Variants in RIMS2 observed in about 807,000 individuals in gnomAD.
The protein encoded by RIMS2 is regulating synaptic membrane exocytosis 2.
RIMS2 carries 59 observed loss-of-function variants against 174.4 expected under a neutral mutation model. The observed-to-expected ratio is 0.34, with a 90% CI of 0.27 to 0.42. The LOEUF (loss-of-function observed/expected upper bound fraction) is 0.42. Among genes scored for constraint, RIMS2 ranks in the 10% least tolerant of loss-of-function variants. The pLI is 1.00. For missense variants in RIMS2, 1,620 were observed against 1,666.3 expected, an observed-to-expected ratio of 0.97 and a Z score of 0.48; for synonymous variants, 606 against 572.5, an observed-to-expected ratio of 1.06 and a Z score of -0.84.
chr8:103,909,176 A>G (rs1255297386), intron 4 of RIMS2, among the ~76,000 whole-genome samples: 1 of 152,070 alleles, frequency 6.6e-6, no homozygotes, highest in Non-Finnish European at 1.5e-5. Flanking sequence ...TTGTAAGCAT[A>G]TTTCATTGTT....
intron 1 of RIMS2, among the ~76,000 whole-genome samples, chr8:103,696,865 A>AG (rs1184327308): frequency 3.3e-5 from 5 of 149,534 alleles, no homozygotes; most frequent in African/African-American, 1.2e-4. Context: ...TTCGTCTCAA[A>AG]AAAAAAAAAA....
chr8:104,060,321 T>G (rs374119700), intron 19 of RIMS2, among the ~76,000 whole-genome samples: 5,423 of 150,340 alleles, frequency 0.036, 145 homozygotes, highest in East Asian at 0.13. Context: ...GTCGAGGAAT[T>G]TATCCATTTC....
intron 1 of RIMS2, among the ~76,000 whole-genome samples, chr8:103,562,655 C>T (rs187370819): frequency 5.3e-4 from 81 of 152,252 alleles, no homozygotes; most frequent in African/African-American, 7.0e-4. Context: ...GTCTGGAGGA[C>T]GGTGGCCCTC....
chr8:103,600,951 A>G (rs935778040), intron 1 of RIMS2, among the ~76,000 whole-genome samples: 19 of 152,312 alleles, frequency 1.2e-4, no homozygotes, highest in East Asian at 1.2e-3. Flanking sequence ...GAATTAATCA[A>G]TGAATCAGTG....
At chr8:103,949,010 C>T (rs1374816981) in intron 14 of RIMS2, among the ~76,000 whole-genome samples, 1 of 149,592 alleles carries the variant, frequency 6.7e-6, no homozygotes. Flanking sequence ...ACCTGCAGTT[C>T]CAGCTACTTG....
At chr8:103,814,011 A>G (rs761675281) in intron 3 of RIMS2, among the ~76,000 whole-genome samples, 13 of 152,332 alleles carry the variant, frequency 8.5e-5, no homozygotes, top group Admixed American at 2.6e-4. Context: ...ATGCCCATCA[A>G]TGGTAGACTG....
chr8:103,594,111 T>C (rs1443064142), intron 1 of RIMS2, among the ~76,000 whole-genome samples: 1 of 151,702 alleles, frequency 6.6e-6, no homozygotes, highest in African/African-American at 2.4e-5. Context: ...TTTGGGCGTG[T>C]ACATGTGCAG....
intron 10 of RIMS2, among the ~76,000 whole-genome samples, chr8:103,922,287 AAT>A (rs1313489516): frequency 6.6e-6 from 1 of 151,954 alleles, no homozygotes; most frequent in East Asian, 1.9e-4. Flanking sequence ...GACAAAATGA[AAT>A]AGAGAAATAT....
chr8:103,716,618 T>C (rs917354740), intron 2 of RIMS2, among the ~76,000 whole-genome samples: 1 of 152,046 alleles, frequency 6.6e-6, no homozygotes, highest in African/African-American at 2.4e-5. Flanking sequence ...GTATTCCTCA[T>C]TGTGATAAAT....
intron 17 of RIMS2, among the ~76,000 whole-genome samples, chr8:103,990,664 G>A (rs2094623895): frequency 1.3e-5 from 2 of 151,892 alleles, no homozygotes; most frequent in South Asian, 4.1e-4. Context: ...TATTTTAGTT[G>A]CCTAATATAG....
At chr8:103,782,795 T>C (rs1278627791) in intron 3 of RIMS2, among the ~76,000 whole-genome samples, 1 of 152,142 alleles carries the variant, frequency 6.6e-6, no homozygotes, top group Non-Finnish European at 1.5e-5. Context: ...CTTTTAAAAC[T>C]CTGTTTATAT....
chr8:103,697,992 C>T (rs988129928), intron 2 of RIMS2, among the ~76,000 whole-genome samples: 16 of 152,048 alleles, frequency 1.1e-4, no homozygotes, highest in Admixed American at 1.3e-4. Flanking sequence ...AAATTTGTGT[C>T]AGTAAATTCT....
intron 7 of RIMS2, 27 bp from the exon 11 acceptor site, chr8:103,916,387 G>A: frequency 6.4e-7 from 1 of 1,556,856 alleles, no homozygotes; most frequent in African/African-American, 1.4e-5. Context: ...TTCTGTATAA[G>A]ATTATTATTA....
intron 15 of RIMS2, 152 bp from the exon 18 acceptor site, chr8:103,975,198 G>C: frequency 4.3e-6 from 2 of 460,126 alleles, no homozygotes; most frequent in Admixed American, 7.7e-5. Flanking sequence ...AAAATATTTT[G>C]TCTTAATATC....
intron 1 of RIMS2, among the ~76,000 whole-genome samples, chr8:103,555,480 GAACT>G (rs1339629383): frequency 3.3e-5 from 5 of 152,092 alleles, no homozygotes; most frequent in African/African-American, 1.2e-4. Flanking sequence ...ACTAGAAAGA[GAACT>G]AACATATGAT....
At chr8:103,585,936 G>A (rs1209546729) in intron 1 of RIMS2, among the ~76,000 whole-genome samples, 2 of 149,894 alleles carry the variant, frequency 1.3e-5, no homozygotes, top group African/African-American at 2.5e-5. Flanking sequence ...AAAAAGAGCA[G>A]GAGTCCCTAT....
At chr8:103,672,373 C>T (rs2096755391) in intron 1 of RIMS2, among the ~76,000 whole-genome samples, 1 of 151,858 alleles carries the variant, frequency 6.6e-6, no homozygotes, top group African/African-American at 2.4e-5. Flanking sequence ...AAATAAATGC[C>T]ATTGATTAGG....
chr8:103,587,557 A>T (rs1588370205), intron 1 of RIMS2, among the ~76,000 whole-genome samples: 2 of 152,064 alleles, frequency 1.3e-5, no homozygotes, highest in Non-Finnish European at 2.9e-5. Flanking sequence ...CTTTAGAAGG[A>T]TCATTCCTCA....
At chr8:103,879,290 C>A (rs2099156474) in intron 3 of RIMS2, among the ~76,000 whole-genome samples, 1 of 150,998 alleles carries the variant, frequency 6.6e-6, no homozygotes, top group South Asian at 2.1e-4. Context: ...TGGAGGAACA[C>A]CACCAAGAGA....
Sources: gnomAD v4.1 joint callset for allele counts (sites outside exome capture counted in the v4.1 genomes callset) on GRCh38, gnomAD v4.1.1 for gene constraint, MANE v1.5 for transcripts, NCBI Gene and HGNC (gene_info 2026-07-23, HGNC 2026-07-21) for gene names.